The following ZNF536 variants were observed in gnomAD, a reference collection of about 807,000 sequenced individuals.
The protein encoded by ZNF536 is zinc finger protein 536.
ZNF536 carries 13 observed loss-of-function variants against 84.5 expected under a neutral mutation model. The ratio of observed to expected loss-of-function variants is 0.15; its 90% CI spans 0.10 to 0.24. The LOEUF (loss-of-function observed/expected upper bound fraction) is 0.24. Ranked by LOEUF, ZNF536 falls within the 10% of genes least tolerant of loss-of-function variation. The probability of loss-of-function intolerance (pLI) is 1.00; values close to 1 mark genes in which losing one functional copy is unlikely to be tolerated. For synonymous variants in ZNF536, 811 were observed against 742.5 expected (o/e 1.09, Z -1.50); for missense variants, 1,536 against 1,747.5 (o/e 0.88, Z 2.16).
intron 2 of ZNF536, among the ~76,000 whole-genome samples, chr19:30,446,925 C>T (rs560502081): frequency 2.6e-5 from 4 of 152,312 alleles, no homozygotes; most frequent in Admixed American, 2.6e-4. Context: ...TCCAAAGCCC[C>T]TTACTAATGG....
intron 2 of ZNF536, among the ~76,000 whole-genome samples, chr19:30,313,284 C>A (rs1181790087): frequency 6.6e-6 from 1 of 152,318 alleles, no homozygotes; most frequent in East Asian, 1.9e-4. Flanking sequence ...CGGGTCAAAC[C>A]TTTCCTGACA....
chr19:30,376,907 G>T (rs1397736063), intron 1 of ZNF536, among the ~76,000 whole-genome samples: 1 of 152,220 alleles, frequency 6.6e-6, no homozygotes, highest in Non-Finnish European at 1.5e-5. Context: ...CATCTGGCTG[G>T]TTCTGTGTGC....
At chr19:30,528,652 G>T (rs987152129) in intron 2 of ZNF536, among the ~76,000 whole-genome samples, 22 of 152,142 alleles carry the variant, frequency 1.4e-4, no homozygotes, top group Non-Finnish European at 3.1e-4. Flanking sequence ...TGATTCTGTT[G>T]TCTCAACCTT....
intron 2 of ZNF536, among the ~76,000 whole-genome samples, chr19:30,482,822 G>T (rs899968204): frequency 6.6e-6 from 1 of 152,072 alleles, no homozygotes; most frequent in Non-Finnish European, 1.5e-5. Flanking sequence ...TGGTTGAATT[G>T]GGAGTTTTGT....
intron 2 of ZNF536, among the ~76,000 whole-genome samples, chr19:30,343,054 T>C (rs1288995019): frequency 6.6e-6 from 1 of 152,174 alleles, no homozygotes; most frequent in Non-Finnish European, 1.5e-5. Context: ...CTGCAGTCTC[T>C]GGGTCTCTTG....
intron 1 of ZNF536, among the ~76,000 whole-genome samples, chr19:30,640,219 C>G (rs1480935277): frequency 2.9e-5 from 2 of 68,366 alleles, no homozygotes; most frequent in African/African-American, 9.1e-5. Context: ...TGCATTCCAG[C>G]CTGGGCAACA....
intron 1 of ZNF536, among the ~76,000 whole-genome samples, chr19:30,692,034 C>G (rs1000668340): frequency 6.6e-6 from 1 of 152,234 alleles, no homozygotes; most frequent in Non-Finnish European, 1.5e-5. Context: ...GGCCCCCTCT[C>G]GGATCCCAGG....
intron 3 of ZNF536, 60 bp from the exon 4 acceptor site, chr19:30,547,883 C>T (rs1568538879): frequency 2.0e-6 from 3 of 1,503,254 alleles, no homozygotes; most frequent in African/African-American, 1.4e-5. Flanking sequence ...CTTCCAGCCT[C>T]GTTCAGCACA....
At chr19:30,460,818 A>G (rs1318592598) in intron 2 of ZNF536, among the ~76,000 whole-genome samples, 2 of 152,152 alleles carry the variant, frequency 1.3e-5, no homozygotes, top group African/African-American at 4.8e-5. Flanking sequence ...GGGAAGCCAC[A>G]GAAAAACAGT....
chr19:30,406,429 CGCTTTACTCCAG>C (rs1321381245), intron 1 of ZNF536, among the ~76,000 whole-genome samples: 3 of 152,068 alleles, frequency 2.0e-5, no homozygotes. Context: ...AAATCCACAC[CGCTTTACTCCAG>C]GCCAACAGGG....
intron 2 of ZNF536, among the ~76,000 whole-genome samples, chr19:30,480,146 G>A (rs375058035): frequency 1.3e-5 from 2 of 152,266 alleles, no homozygotes; most frequent in African/African-American, 2.4e-5. Context: ...AAGCTCTCCC[G>A]GTTCCATGGT....
At position 30,453,966 on chromosome 19, in the gene ZNF536, C is replaced by A. The variant is rs542063589; in HGVS notation, c.2170+8234C>A. Reference sequence around the variant, plus strand: ...AAGCTGACTCCTTGGCTTGGCTGCCCACCACACCACATGGGAGGCCGGCCC... The same window carrying A: ...AAGCTGACTCCTTGGCTTGGCTGCCAACCACACCACATGGGAGGCCGGCCC... On this transcript the variant is annotated intron_variant, in intron 2 of 4. Transcript: ENST00000355537. Among the ~76,000 whole-genome samples the A allele has an allele frequency of 2.9e-3, 441 of 152,342 alleles. 2 individuals are homozygous for A. Among genetic ancestry groups the A allele is most frequent in the Non-Finnish European group, 4.5e-3 (303 of 68,028 alleles).
intron 2 of ZNF536, among the ~76,000 whole-genome samples, chr19:30,458,790 C>T (rs748907710): frequency 1.1e-4 from 17 of 152,144 alleles, no homozygotes; most frequent in Middle Eastern, 3.2e-3. Flanking sequence ...TTCATCGTGT[C>T]GTCTCTGAGG....
chr19:30,439,139 C>T (rs2051890732), intron 1 of ZNF536, among the ~76,000 whole-genome samples: 1 of 152,054 alleles, frequency 6.6e-6, no homozygotes, highest in Non-Finnish European at 1.5e-5. Context: ...CCCACCCTTC[C>T]CTCAACACAG....
intron 1 of ZNF536, among the ~76,000 whole-genome samples, chr19:30,373,308 C>T (rs1459162962): frequency 6.6e-6 from 1 of 152,148 alleles, no homozygotes; most frequent in Non-Finnish European, 1.5e-5. Context: ...TCAGTTGGCA[C>T]CTTTCCCCTG....
At chr19:30,402,822 T>TATATATATATATATAA (rs1331644147) in intron 1 of ZNF536, among the ~76,000 whole-genome samples, 59 of 142,546 alleles carry the variant, frequency 4.1e-4, no homozygotes, top group Non-Finnish European at 8.1e-4. Context: ...TATATATATA[T>TATATATATATATATAA]AATTTTCAAA....
chr19:30,660,827 T>C (rs10423090), intron 1 of ZNF536, among the ~76,000 whole-genome samples: 45,345 of 152,062 alleles, frequency 0.3, 8,728 homozygotes, highest in African/African-American at 0.55. Context: ...AGTGAGGAGG[T>C]CACAATGGTG....
chr19:30,672,276 G>A (rs1196286696), intron 1 of ZNF536, among the ~76,000 whole-genome samples: 1 of 152,222 alleles, frequency 6.6e-6, no homozygotes, highest in Admixed American at 6.5e-5. Context: ...TTGTGCTGAT[G>A]TTATAGAGAC....
intron 1 of ZNF536, among the ~76,000 whole-genome samples, chr19:30,591,182 T>C (rs2047265125): frequency 1.3e-5 from 2 of 152,180 alleles, no homozygotes; most frequent in South Asian, 4.1e-4. Context: ...TTTTCTTATA[T>C]AGCAATGGTT....
Sources: gnomAD v4.1 joint callset for allele counts (sites outside exome capture counted in the v4.1 genomes callset) on GRCh38, gnomAD v4.1.1 for gene constraint, MANE v1.5 for transcripts, NCBI Gene and HGNC (gene_info 2026-07-23, HGNC 2026-07-21) for gene names.